The following ELOVL3 variants were observed in gnomAD, a reference collection of about 807,000 sequenced individuals.
ELOVL3 encodes ELOVL fatty acid elongase 3.
A neutral mutation model predicts 14.9 loss-of-function variants in ELOVL3; 11 were observed. That is an observed-to-expected ratio of 0.74 (90% CI 0.46 to 1.22). The LOEUF is 1.22. ELOVL3 is among the 50% of genes most tolerant of loss of function. The pLI is 0.00. For missense variants in ELOVL3, 277 were observed against 338.9 expected (o/e 0.82, Z 1.43); for synonymous variants, 117 against 124.7 (o/e 0.94, Z 0.41).
In ELOVL3 at chr10:102,226,638, C is replaced by T. The variant is rs771705382; in HGVS notation, c.90C>T (p.Phe30=). Residue 30 remains phenylalanine (F), a synonymous_variant, in exon 1 of 4, where the codon TTC becomes TTT. Transcript: ENST00000370005. The part of the protein sequence containing the change: ...FELSKDMRPF[F]EEYWATSFPI... ...TGTCCAAGGACATGAGGCCCTTTTT[C>T]GAGGAGTATTGGTGAGACTTTGGGA... The T allele has an allele frequency of 5.5e-5, 89 of 1,613,526 alleles. No individual in the cohort carries two copies. Among genetic ancestry groups the T allele is most frequent in the Non-Finnish European group, 7.2e-5 (85 of 1,179,700 alleles).
upstream of ELOVL3, among the ~76,000 whole-genome samples, chr10:102,225,934 G>A (rs2070131922): frequency 6.6e-6 from 1 of 151,980 alleles, no homozygotes. Context: ...CTCATCACAG[G>A]CCTGGGTTTC....
In ELOVL3 at chr10:102,228,552, C is replaced by A. The variant is rs770031930; in HGVS notation, c.369C>A (p.Ser123Arg). The A allele has an allele frequency of 1.9e-6, 3 of 1,614,132 alleles. No individual in the cohort carries two copies. The South Asian group carries it at 3.3e-5, about 18-fold the overall frequency. The change falls in exon 3 of 4, where the codon AGC becomes AGA. Residue 123 changes from serine (S) to arginine (R), a missense_variant. Ser to Arg is a moderately radical substitution (Grantham distance 110). Transcript: ENST00000370005. ...TCTGGTCCTGGGTCTTTCTTCTCAG[C>A]AAGGTCATAGAACTCGGTGAGTGGC... ...VKFWSWVFLLSKVIELGDTAF... is the reference protein window; with the variant it reads ...VKFWSWVFLLRKVIELGDTAF...
chr10:102,227,758 G>A lies in ELOVL3; in HGVS notation c.233+1G>A, dbSNP rs1412708097. 9.3e-6 allele frequency: 15 copies of A among 1,613,268 alleles called. No individual in the cohort carries two copies. Among genetic ancestry groups the A allele is most frequent in the African/African-American group, 1.3e-5 (1 of 74,686 alleles). On this transcript the variant is annotated splice_donor_variant, in intron 2 of 3. Coordinates refer to ENST00000370005, the MANE Select transcript of ELOVL3 (RefSeq NM_152310.3). LOFTEE classifies it high-confidence loss of function. ...GGTCCTTCTGCCTTGCAATCTTCAG[G>A]TAAGACCCCATCCCACTCCCTGCCT... is the stretch of plus-strand genomic sequence containing the variant.
chr10:102,228,696 C>A, intron 3 of ELOVL3, 128 bp downstream of exon 3: 1 of 1,411,618 alleles, frequency 7.1e-7, no homozygotes, highest in Non-Finnish European at 9.8e-7. Flanking sequence ...TCACCCAAGC[C>A]CCTCTACAGA....
At chr10:102,227,367 T>C (rs2070146046) in intron 1 of ELOVL3, among the ~76,000 whole-genome samples, 1 of 152,118 alleles carries the variant, frequency 6.6e-6, no homozygotes, top group South Asian at 2.1e-4. Context: ...AGAGCAATAA[T>C]CACAGAAACC....
rs974217526 is a variant in ELOVL3, at chr10:102,226,318, A to C, written c.-231A>C. Reference sequence around the variant, plus strand: ...CGGGGCGCAGGAAAGAGGTCGCGCCAGCCCGGGCAGGCAGCTTTGCAAGTC... The same window carrying C: ...CGGGGCGCAGGAAAGAGGTCGCGCCCGCCCGGGCAGGCAGCTTTGCAAGTC... On this transcript the variant is annotated 5_prime_UTR_variant, in exon 1 of 4. Transcript: ENST00000370005. 2.0e-6 allele frequency: 1 copy of C among 499,468 alleles called. No individual in the cohort carries two copies. Among genetic ancestry groups the C allele is most frequent in the Non-Finnish European group, 3.6e-6 (1 of 279,104 alleles). The allele number at this position is 499,468 out of a possible 1,614,324, so 30.9% of individuals were successfully genotyped here.
In ELOVL3 at chr10:102,227,722, T is replaced by C. The variant is rs1208556957; in HGVS notation, c.198T>C (p.Pro66=). 6.2e-7 allele frequency: 1 copy of C among 1,613,802 alleles called. No individual in the cohort carries two copies. The highest frequency in any genetic ancestry group is 8.5e-7 in the Non-Finnish European group (1 of 1,179,900). The change falls in exon 2 of 4, where the codon CCT becomes CCC. Residue 66 remains proline (P), a synonymous_variant. Transcript: ENST00000370005. ...KERKGFNLQG[P]LILWSFCLAI... is the part of the protein sequence containing the mutation. ...GCAAGGGCTTCAACCTGCAAGGGCC[T>C]CTCATCCTCTGGTCCTTCTGCCTTG... is the stretch of plus-strand genomic sequence containing the variant.
intron 2 of ELOVL3, among the ~76,000 whole-genome samples, chr10:102,228,024 T>C (rs1334750690): frequency 6.6e-6 from 1 of 152,118 alleles, no homozygotes; most frequent in Admixed American, 6.5e-5. Flanking sequence ...AACTAATTTC[T>C]CCAGCCTCTA....
rs2070147289 is a variant in ELOVL3, at chr10:102,227,480, G to T, written c.102-146G>T. ...ACAAATGAGGAAGCCAAGGCTCAGA[G>T]AATTAAGTTGGTTTTTCCAATGTCA... On this transcript the variant is annotated intron_variant, in intron 1 of 3. Transcript: ENST00000370005. 6.8e-6 allele frequency: 6 copies of T among 879,874 alleles called. No homozygotes were observed. In the East Asian group the frequency reaches 1.5e-4, roughly 22 times the overall value. The allele number at this position is 879,874 out of a possible 1,614,324, so 54.5% of individuals were successfully genotyped here.
chr10:102,226,090 G>A (rs971214412), upstream of ELOVL3, among the ~76,000 whole-genome samples: 2 of 152,164 alleles, frequency 1.3e-5, no homozygotes, highest in Non-Finnish European at 2.9e-5. Context: ...CAGTTCCAAG[G>A]GAACCCGCAA....
rs960326774 is a variant in ELOVL3, at chr10:102,229,432, G to T, written c.*180G>T. 1 of 612,324 alleles carries T rather than the reference G, an allele frequency of 1.6e-6. No homozygotes were observed. The highest frequency in any genetic ancestry group is 2.8e-6 in the Non-Finnish European group (1 of 353,494). 37.9% of individuals were successfully genotyped at this position (612,324 alleles called of 1,614,324 possible). The stretch of plus-strand genomic sequence containing the variant: ...AGGGTGACCTTGGGATGGGGGTGTG[G>T]TCTGTTACTTTAATGTTTCTGTTTT... On this transcript the variant is annotated 3_prime_UTR_variant, in exon 4 of 4. Coordinates refer to ENST00000370005, the MANE Select transcript of ELOVL3 (RefSeq NM_152310.3).
chr10:102,228,180 C>A (rs1483931648), intron 2 of ELOVL3, among the ~76,000 whole-genome samples: 2 of 152,266 alleles, frequency 1.3e-5, no homozygotes, highest in East Asian at 3.9e-4. Flanking sequence ...TTCCTTAACT[C>A]AACTTTCAGT....
At chr10:102,227,598 G>A (rs1224465875) in intron 1 of ELOVL3, 28 bp from the exon 2 acceptor site, 1 of 1,605,336 alleles carries the variant, frequency 6.2e-7, no homozygotes, top group Non-Finnish European at 8.5e-7. Context: ...CCACCCATGA[G>A]CCCATCCCTC....
chr10:102,226,902 G>C (rs975138935), intron 1 of ELOVL3, among the ~76,000 whole-genome samples: 3 of 152,078 alleles, frequency 2.0e-5, no homozygotes, highest in African/African-American at 7.2e-5. Context: ...AGAGCGTGTA[G>C]TGAGAAGGGT....
At chr10:102,228,365 T>G in intron 2 of ELOVL3, 52 bp from the exon 3 acceptor site, 1 of 1,584,646 alleles carries the variant, frequency 6.3e-7, no homozygotes, top group Non-Finnish European at 8.6e-7. Flanking sequence ...GAAGGGTGGA[T>G]TATTGGTGCC....
In ELOVL3 at chr10:102,229,230, A is replaced by G. The variant is rs1270393326; in HGVS notation, c.791A>G (p.Lys264Arg). ...FCQTYIRPKV[K>R]AKTKSQ is the part of the protein sequence containing the mutation. ...CAGACCTACATCAGGCCCAAGGTCA[A>G]AGCCAAGACCAAGAGCCAGTGAAGG... The change falls in exon 4 of 4, where the codon AAA (lysine) becomes AGA (arginine). Residue 264 changes from lysine (K) to arginine (R), a missense_variant. Lys to Arg is a conservative substitution (Grantham distance 26). Transcript: ENST00000370005. 6.2e-7 allele frequency: 1 copy of G among 1,612,054 alleles called. No individual in the cohort carries two copies. Among genetic ancestry groups the G allele is most frequent in the Admixed American group, 1.7e-5 (1 of 59,980 alleles).
At chr10:102,228,250 G>C (rs2070155516) in intron 2 of ELOVL3, among the ~76,000 whole-genome samples, 167 bp from the exon 3 acceptor site, 1 of 152,098 alleles carries the variant, frequency 6.6e-6, no homozygotes. Context: ...ACTACTGATT[G>C]GATCTACCAG....
Position 102,227,795 on chromosome 10 carries a change from C to T in ELOVL3, c.233+38C>T, listed in dbSNP as rs983380490. The T allele has an allele frequency of 8.1e-6, 13 of 1,608,144 alleles. No individual in the cohort carries two copies. The African/African-American group carries it at 1.7e-4, about 21-fold the overall frequency. On this transcript the variant is annotated intron_variant, in intron 2 of 3. Coordinates refer to ENST00000370005, the MANE Select transcript of ELOVL3 (RefSeq NM_152310.3). ...CCCACTCCCTGCCTCTTCTCTAGATCTTAGACCACCATTCTATCCCTTGAA... is the reference window on the plus strand; with the variant it reads ...CCCACTCCCTGCCTCTTCTCTAGATTTTAGACCACCATTCTATCCCTTGAA...
chr10:102,229,130 A>G lies in ELOVL3; in HGVS notation c.691A>G (p.Thr231Ala). 1 of 1,614,120 alleles carries G rather than the reference A, an allele frequency of 6.2e-7. No homozygotes were observed. Among genetic ancestry groups the G allele is most frequent in the South Asian group, 1.1e-5 (1 of 91,084 alleles). ...YIWRQDQGCH[T>A]TMEHLFWSFI... ...CTGGAGGCAGGATCAGGGATGCCAC[A>G]CCACGATGGAACACTTATTCTGGTC... The change falls in exon 4 of 4, where the codon ACC (threonine) becomes GCC (alanine). Residue 231 changes from threonine (T) to alanine (A), a missense_variant. Physicochemically the swap from Thr to Ala is moderately conservative, Grantham distance 58 (BLOSUM62 0). Coordinates refer to ENST00000370005, the MANE Select transcript of ELOVL3 (RefSeq NM_152310.3).
Sources: allele counts gnomAD v4.1 joint callset (sites outside exome capture counted in the v4.1 genomes callset), GRCh38; gene constraint gnomAD v4.1.1; transcripts MANE v1.5; gene names NCBI Gene and HGNC (gene_info 2026-07-23, HGNC 2026-07-21).